LRRC7: variants seen among roughly 807,000 people sequenced by gnomAD.
The protein encoded by LRRC7 is leucine rich repeat containing 7, also known as leucine-rich repeat-containing protein 7.
A neutral mutation model predicts 175.7 loss-of-function variants in LRRC7; 23 were observed. The ratio of observed to expected loss-of-function variants is 0.13; its 90% CI spans 0.09 to 0.19. The LOEUF (loss-of-function observed/expected upper bound fraction) is 0.19. LRRC7 is among the 10% of genes least tolerant of loss of function. The probability of loss-of-function intolerance (pLI) is 1.00; values close to 1 mark genes in which losing one functional copy is unlikely to be tolerated. For synonymous variants in LRRC7, 685 were observed against 680.9 expected, an observed-to-expected ratio of 1.01 and a Z score of -0.09; for missense variants, 1,354 against 1,904.7, an observed-to-expected ratio of 0.71 and a Z score of 5.38.
At position 69,861,625 on chromosome 1, in the gene LRRC7, T is replaced by C. The variant is rs138159148; in HGVS notation, c.647+23342T>C. ...TAAAAGTTGAGTTCATCCAAGGAGG[T>C]AGAAAATCAAGTTCAAGGATATATG... is the stretch of plus-strand genomic sequence containing the variant. On this transcript the variant is annotated intron_variant, in intron 7 of 26. Transcript: ENST00000651989. Among the ~76,000 whole-genome samples, 598 of 152,020 alleles carry C rather than the reference T, an allele frequency of 3.9e-3. 3 individuals are homozygous for C. Among genetic ancestry groups the C allele is most frequent in the African/African-American group, 0.013 (554 of 41,442 alleles).
chr1:69,958,199 G>A (rs12032129), intron 8 of LRRC7, among the ~76,000 whole-genome samples: 10,790 of 151,866 alleles, frequency 0.071, 403 homozygotes, highest in South Asian at 0.11. Flanking sequence ...TGTAAGTTTT[G>A]CATTTAGACA....
At chr1:69,588,202 G>A (rs1455174492) in intron 1 of LRRC7, among the ~76,000 whole-genome samples, 2 of 152,030 alleles carry the variant, frequency 1.3e-5, no homozygotes, top group African/African-American at 2.4e-5. Context: ...CATTTCTACT[G>A]TAAGACTGAC....
intron 4 of LRRC7, among the ~76,000 whole-genome samples, chr1:69,819,982 A>G (rs1038636233): frequency 6.6e-6 from 1 of 152,084 alleles, no homozygotes; most frequent in African/African-American, 2.4e-5. Flanking sequence ...TCACCCATTC[A>G]ATGACTCTAT....
At chr1:69,612,127 A>G (rs1457686235) in intron 1 of LRRC7, among the ~76,000 whole-genome samples, 4 of 152,050 alleles carry the variant, frequency 2.6e-5, no homozygotes, top group African/African-American at 9.7e-5. Flanking sequence ...CCCTAATATC[A>G]TTGACTTATA....
chr1:70,091,800 A>C (rs564337730), intron 25 of LRRC7, among the ~76,000 whole-genome samples: 1 of 152,324 alleles, frequency 6.6e-6, no homozygotes, highest in South Asian at 2.1e-4. Flanking sequence ...CTTGAATTGT[A>C]TAATGCGTCC....
Position 70,036,430 on chromosome 1 carries a change from C to A in LRRC7, c.2108-14C>A. The A allele has an allele frequency of 6.2e-7, 1 of 1,600,586 alleles. No individual in the cohort carries two copies. The highest frequency in any genetic ancestry group is 8.5e-7 in the Non-Finnish European group (1 of 1,174,656). On this transcript the variant is annotated splice_polypyrimidine_tract_variant and intron_variant, in intron 19 of 26. Coordinates refer to ENST00000651989, the MANE Select transcript of LRRC7 (RefSeq NM_001370785.2). ...GTGTCATAGCATTATAACATTTTCC[C>A]CTTTAAATTTCAGAATCAACTGATG...
intron 4 of LRRC7, among the ~76,000 whole-genome samples, chr1:69,807,683 C>T (rs1677296661): frequency 6.6e-6 from 1 of 152,090 alleles, no homozygotes; most frequent in Non-Finnish European, 1.5e-5. Context: ...GTCTGATGGG[C>T]TTCCCTTTGT....
chr1:69,572,377 T>C (rs1645773792), intron 1 of LRRC7, among the ~76,000 whole-genome samples: 1 of 152,148 alleles, frequency 6.6e-6, no homozygotes, highest in Admixed American at 6.5e-5. Context: ...GCTATTGTAA[T>C]TAAATCAAAT....
intron 1 of LRRC7, among the ~76,000 whole-genome samples, chr1:69,669,287 T>C (rs1009156169): frequency 6.6e-6 from 1 of 152,188 alleles, no homozygotes; most frequent in African/African-American, 2.4e-5. Context: ...CTTCAGCCTT[T>C]GTTTGTCTGG....
At chr1:70,044,150 G>T (rs1012539120) in intron 22 of LRRC7, 56 bp downstream of exon 22, 17 of 1,577,328 alleles carry the variant, frequency 1.1e-5, no homozygotes, top group Non-Finnish European at 1.4e-5. Flanking sequence ...AATGTTGTTT[G>T]TTCACTTAAT....
chr1:69,839,721 C>T (rs1681515209), intron 7 of LRRC7, among the ~76,000 whole-genome samples: 1 of 152,090 alleles, frequency 6.6e-6, no homozygotes, highest in Non-Finnish European at 1.5e-5. Context: ...CATTTTCCCT[C>T]TGTTCTCAAA....
intron 6 of LRRC7, among the ~76,000 whole-genome samples, chr1:69,835,538 A>AG (rs1681006534): frequency 6.6e-6 from 1 of 151,980 alleles, no homozygotes; most frequent in Non-Finnish European, 1.5e-5. Context: ...TTGCAAAAAA[A>AG]TTTTTTAGAG....
chr1:69,684,687 C>T (rs1284232612), intron 2 of LRRC7, among the ~76,000 whole-genome samples: 1 of 152,054 alleles, frequency 6.6e-6, no homozygotes, highest in African/African-American at 2.4e-5. Flanking sequence ...CTATACATCC[C>T]TGGACTGCAT....
intron 8 of LRRC7, among the ~76,000 whole-genome samples, chr1:69,936,469 T>G (rs1570725731): frequency 6.6e-6 from 1 of 152,224 alleles, no homozygotes. Context: ...CATTTTTAAT[T>G]AATTTGTTCC....
intron 1 of LRRC7, among the ~76,000 whole-genome samples, chr1:69,619,110 T>G: frequency 6.6e-6 from 1 of 152,054 alleles, no homozygotes; most frequent in Admixed American, 6.6e-5. Context: ...GTGTGAGGGC[T>G]TTGCTCCAAT....
chr1:70,132,466 T>C lies in LRRC7; in HGVS notation c.*10579T>C, dbSNP rs1282094633. Among the ~76,000 whole-genome samples the C allele has an allele frequency of 1.7e-4, 22 of 131,442 alleles. No individual in the cohort carries two copies. In the East Asian group the frequency reaches 2.0e-3, roughly 12 times the overall value. The allele number at this position is 131,442 out of a possible 152,430, so 86.2% of individuals were successfully genotyped here. A position where few individuals can be genotyped will look rare whatever the true frequency, so the allele number is the denominator to read the frequency against. On this transcript the variant is annotated 3_prime_UTR_variant, in exon 27 of 27. Coordinates refer to ENST00000651989, the MANE Select transcript of LRRC7 (RefSeq NM_001370785.2). ...TCTTTTCTTTTCTTTTCTTTTTTTT[T>C]TTTTTTTTTTTTTTTTTGAGACGGA...
intron 1 of LRRC7, among the ~76,000 whole-genome samples, chr1:69,648,992 G>A (rs1267038327): frequency 1.3e-5 from 2 of 152,232 alleles, no homozygotes; most frequent in African/African-American, 4.8e-5. Context: ...TTTTGAGAAA[G>A]TAATCATGTG....
At chr1:69,645,047 T>C (rs1154974) in intron 1 of LRRC7, among the ~76,000 whole-genome samples, 19,491 of 152,058 alleles carry the variant, frequency 0.13, 1,590 homozygotes, top group South Asian at 0.19. Context: ...TTCTTCAAGA[T>C]AGAGAACAAA....
chr1:69,919,499 G>A (rs998730154), intron 7 of LRRC7: 3 of 878,706 alleles, frequency 3.4e-6, no homozygotes, highest in Non-Finnish European at 5.5e-6. Flanking sequence ...GGCAAAATCT[G>A]GCAGGGGGAG....
Sources: allele counts gnomAD v4.1 joint callset (sites outside exome capture counted in the v4.1 genomes callset), GRCh38; gene constraint gnomAD v4.1.1; transcripts MANE v1.5; gene names NCBI Gene and HGNC (gene_info 2026-07-23, HGNC 2026-07-21).